The following SUCO variants were observed in gnomAD, a reference collection of about 807,000 sequenced individuals.
SUCO encodes SUN domain containing ossification factor.
Under a neutral mutation model 148.1 loss-of-function variants are expected in SUCO, and 57 were observed. The ratio of observed to expected loss-of-function variants is 0.38; its 90% CI spans 0.31 to 0.48. The LOEUF (loss-of-function observed/expected upper bound fraction) is 0.48, where lower values mean the gene tolerates loss of function less well. Ranked by LOEUF, SUCO falls within the 20% of genes least tolerant of loss-of-function variation. SUCO has a pLI of 0.96. For synonymous variants in SUCO, 470 were observed against 502.7 expected, an observed-to-expected ratio of 0.93 and a Z score of 0.87; for missense variants, 1,331 against 1,468.2, an observed-to-expected ratio of 0.91 and a Z score of 1.53.
rs1014285500 is a variant in SUCO at position 172,534,885 on chromosome 1, A to G, written c.62+1388A>G. Reference sequence around the variant, plus strand: ...CTTTAAACCATGTTATTCATCATCAAAAGTTTCTGAAATGGCTAATAAGGA... The same window carrying G: ...CTTTAAACCATGTTATTCATCATCAGAAGTTTCTGAAATGGCTAATAAGGA... On this transcript the variant is annotated intron_variant, in intron 1 of 23. Coordinates refer to ENST00000263688, the MANE Select transcript of SUCO (RefSeq NM_014283.5). Among the ~76,000 whole-genome samples, 3 of 152,292 alleles carry G rather than the reference A, an allele frequency of 2.0e-5. No individual in the cohort carries two copies. In the East Asian group the frequency reaches 5.8e-4, roughly 29 times the overall value.
chr1:172,606,972 T>A (rs545825915), intron 22 of SUCO, among the ~76,000 whole-genome samples: 24 of 152,054 alleles, frequency 1.6e-4, no homozygotes, highest in Admixed American at 5.2e-4. Context: ...TTCATTGGGT[T>A]TTCAATTTCA....
At chr1:172,575,421 C>A in intron 10 of SUCO, 97 bp from the exon 11 acceptor site, 1 of 826,052 alleles carries the variant, frequency 1.2e-6, no homozygotes, top group Non-Finnish European at 1.9e-6. Flanking sequence ...GCGTGTTCAC[C>A]TGGAAAGGAA....
intron 17 of SUCO, among the ~76,000 whole-genome samples, chr1:172,587,303 G>A (rs529026753): frequency 5.3e-5 from 8 of 152,104 alleles, no homozygotes; most frequent in African/African-American, 1.9e-4. Flanking sequence ...ATCCATGATA[G>A]GATGTCACTG....
At chr1:172,567,349 T>C (rs1178467839) in intron 6 of SUCO, among the ~76,000 whole-genome samples, 1 of 152,164 alleles carries the variant, frequency 6.6e-6, no homozygotes, top group Non-Finnish European at 1.5e-5. Context: ...ATGTCTGTAT[T>C]CATTATTCAG....
intron 6 of SUCO, among the ~76,000 whole-genome samples, chr1:172,561,827 C>T (rs1007297913): frequency 2.0e-5 from 3 of 152,210 alleles, no homozygotes; most frequent in African/African-American, 7.2e-5. Flanking sequence ...GGGCAGGCAG[C>T]ATACTACCTC....
chr1:172,552,438 G>C (rs1022170602), intron 2 of SUCO: 3 of 152,912 alleles, frequency 2.0e-5, no homozygotes, highest in Non-Finnish European at 4.4e-5. Flanking sequence ...TTGTTATATA[G>C]ACATTATTTA....
At chr1:172,536,492 A>G (rs942286811) in intron 1 of SUCO, among the ~76,000 whole-genome samples, 1 of 152,228 alleles carries the variant, frequency 6.6e-6, no homozygotes, top group Non-Finnish European at 1.5e-5. Flanking sequence ...TTATTCAACC[A>G]CATTTTGTTC....
At chr1:172,534,205 A>C (rs1651843813) in intron 1 of SUCO, among the ~76,000 whole-genome samples, 1 of 152,122 alleles carries the variant, frequency 6.6e-6, no homozygotes, top group Non-Finnish European at 1.5e-5. Context: ...GCACTCCTTA[A>C]GTTTTACGGA....
chr1:172,584,981 G>A (rs1167253060), intron 15 of SUCO, 37 bp from the exon 16 acceptor site: 26 of 1,262,070 alleles, frequency 2.1e-5, no homozygotes, highest in Non-Finnish European at 2.6e-5. Context: ...AGAATATTTA[G>A]GTATTTGGTA....
At chr1:172,567,507 G>A (rs1457821772) in intron 6 of SUCO, among the ~76,000 whole-genome samples, 1 of 151,914 alleles carries the variant, frequency 6.6e-6, no homozygotes, top group Non-Finnish European at 1.5e-5. Flanking sequence ...ATATTATATG[G>A]CATAGTTTAA....
At chr1:172,546,384 T>C (rs547609804) in intron 1 of SUCO, among the ~76,000 whole-genome samples, 1 of 152,294 alleles carries the variant, frequency 6.6e-6, no homozygotes, top group African/African-American at 2.4e-5. Context: ...TTACATTCAC[T>C]CAAGAATTGG....
intron 22 of SUCO, among the ~76,000 whole-genome samples, chr1:172,603,396 C>T (rs1323176598): frequency 6.6e-6 from 1 of 151,874 alleles, no homozygotes; most frequent in Non-Finnish European, 1.5e-5. Context: ...AAATTAATTA[C>T]ATATTTTATT....
intron 1 of SUCO, among the ~76,000 whole-genome samples, chr1:172,540,969 G>T (rs1652408647): frequency 6.6e-6 from 1 of 152,166 alleles, no homozygotes; most frequent in Non-Finnish European, 1.5e-5. Context: ...GAAAAGTGGT[G>T]TTGTGAGAAC....
chr1:172,600,353 G>A (rs540258227), intron 20 of SUCO, among the ~76,000 whole-genome samples, 185 bp downstream of exon 20: 8 of 152,170 alleles, frequency 5.3e-5, no homozygotes, highest in African/African-American at 1.9e-4. Context: ...ATAGTCTTTT[G>A]TAAAATATGG....
intron 1 of SUCO, among the ~76,000 whole-genome samples, chr1:172,540,259 A>G (rs1302285717): frequency 6.6e-6 from 1 of 152,146 alleles, no homozygotes; most frequent in Admixed American, 6.5e-5. Flanking sequence ...TGGCTGGTAG[A>G]TGGTCTTGGG....
In SUCO at chr1:172,588,983, A is replaced by G. The variant is rs751558061; in HGVS notation, c.1882A>G (p.Ser628Gly). The change falls in exon 18 of 24, where the codon AGT becomes GGT. Residue 628 changes from serine to glycine, a missense_variant. By Grantham distance (56) the Ser-to-Gly change is moderately conservative. Coordinates refer to ENST00000263688, the MANE Select transcript of SUCO (RefSeq NM_014283.5). The part of the protein sequence containing the change: ...SELTTICCIS[S>G]FSEYIYKWCS... ...ACTGACCACAATTTGTTGTATTTCTAGTTTTTCAGAATACATATATAAATG... is the reference window on the plus strand; with the variant it reads ...ACTGACCACAATTTGTTGTATTTCTGGTTTTTCAGAATACATATATAAATG... 3.1e-6 allele frequency: 5 copies of G among 1,610,530 alleles called. No homozygotes were observed. In the Admixed American group the frequency reaches 5.1e-5, roughly 16 times the overall value.
intron 15 of SUCO, among the ~76,000 whole-genome samples, chr1:172,581,497 G>A (rs958402736): frequency 6.6e-6 from 1 of 152,116 alleles, no homozygotes; most frequent in African/African-American, 2.4e-5. Flanking sequence ...GCTGCCTTCT[G>A]TATCTGTGTC....
chr1:172,601,102 T>C (rs1558213939), intron 20 of SUCO, among the ~76,000 whole-genome samples: 1 of 152,232 alleles, frequency 6.6e-6, no homozygotes, highest in Non-Finnish European at 1.5e-5. Context: ...ATGTCATTAA[T>C]GCTTAGCACT....
chr1:172,540,788 A>C (rs1652392631), intron 1 of SUCO, among the ~76,000 whole-genome samples: 1 of 152,142 alleles, frequency 6.6e-6, no homozygotes, highest in Non-Finnish European at 1.5e-5. Flanking sequence ...CAGTGGGTAG[A>C]TGGCACTTAA....
Sources: gnomAD v4.1 joint callset for allele counts (sites outside exome capture counted in the v4.1 genomes callset) on GRCh38, gnomAD v4.1.1 for gene constraint, MANE v1.5 for transcripts, NCBI Gene and HGNC (gene_info 2026-07-23, HGNC 2026-07-21) for gene names.